PRMT8: variants seen among roughly 807,000 people sequenced by gnomAD.
PRMT8 encodes the protein protein arginine methyltransferase 8.
Under a neutral mutation model 47.1 loss-of-function variants are expected in PRMT8, and 7 were observed. The observed-to-expected ratio is 0.15, with a 90% CI of 0.08 to 0.28. The LOEUF is 0.28. Among genes scored for constraint, PRMT8 ranks in the 10% least tolerant of loss-of-function variants. The pLI is 1.00. For missense variants in PRMT8, 237 were observed against 505.4 expected, an observed-to-expected ratio of 0.47 and a Z score of 5.09; for synonymous variants, 188 against 186.5, an observed-to-expected ratio of 1.01 and a Z score of -0.07.
chr12:3,585,327 G>A (rs1484662566), intron 8 of PRMT8, among the ~76,000 whole-genome samples: 1 of 135,838 alleles, frequency 7.4e-6, no homozygotes, highest in Non-Finnish European at 1.6e-5. Context: ...ACTTCCAGAA[G>A]CCATGAAGAA....
In PRMT8 at chr12:3,538,390, T is replaced by G; in HGVS notation, c.76-2216T>G. The G allele has an allele frequency of 3.2e-6, 1 of 310,362 alleles. No homozygotes were observed. The highest frequency in any genetic ancestry group is 7.9e-5 in the East Asian group (1 of 12,732). The allele number at this position is 310,362 out of a possible 1,614,324, so 19.2% of individuals were successfully genotyped here. On this transcript the variant is annotated intron_variant, in intron 1 of 9. Transcript: ENST00000382622. This position sits in a 1 kb window ranked among gnomAD's most constrained non-coding sequence, Gnocchi z 4.6. ...CAGGACCTGCACGCTGCCTTGCTGTTGGAGATCTGTGCAGTAGGCAGTTGT... is the reference window on the plus strand; with the variant it reads ...CAGGACCTGCACGCTGCCTTGCTGTGGGAGATCTGTGCAGTAGGCAGTTGT...
At chr12:3,412,388 T>C (rs930709860) in intron 1 of PRMT8, among the ~76,000 whole-genome samples, 4 of 152,246 alleles carry the variant, frequency 2.6e-5, no homozygotes, top group Non-Finnish European at 5.9e-5. Flanking sequence ...CTGTGAACTT[T>C]ACAAACACTA....
intron 1 of PRMT8, among the ~76,000 whole-genome samples, chr12:3,437,100 C>A (rs1054446253): frequency 6.6e-6 from 1 of 152,182 alleles, no homozygotes; most frequent in Non-Finnish European, 1.5e-5. Flanking sequence ...TCAACCCCAC[C>A]CTCCTGGGGT....
chr12:3,416,392 A>G (rs775495286), intron 1 of PRMT8, among the ~76,000 whole-genome samples: 26 of 152,048 alleles, frequency 1.7e-4, no homozygotes, highest in Non-Finnish European at 1.8e-4. Flanking sequence ...CAGGCTTTGC[A>G]TTTTTCTTTG....
At chr12:3,448,095 C>T (rs900611091) in intron 1 of PRMT8, among the ~76,000 whole-genome samples, 1 of 152,216 alleles carries the variant, frequency 6.6e-6, no homozygotes, top group Non-Finnish European at 1.5e-5. Flanking sequence ...CTCCTGGGCT[C>T]AAGCGATCCT....
At chr12:3,442,010 A>G (rs1864808333) in intron 1 of PRMT8, among the ~76,000 whole-genome samples, 1 of 152,226 alleles carries the variant, frequency 6.6e-6, no homozygotes, top group Admixed American at 6.5e-5. Flanking sequence ...ACAACTATCC[A>G]GAAAATACTA....
At chr12:3,590,003 T>A (rs1867264673) in intron 8 of PRMT8, among the ~76,000 whole-genome samples, 1 of 152,184 alleles carries the variant, frequency 6.6e-6, no homozygotes, top group South Asian at 2.1e-4. Context: ...AGGAACTATC[T>A]TTTGACTATT....
intron 1 of PRMT8, among the ~76,000 whole-genome samples, chr12:3,437,843 A>G (rs763027292): frequency 9.2e-5 from 14 of 152,190 alleles, no homozygotes; most frequent in South Asian, 6.2e-4. Flanking sequence ...ACATGCGGTG[A>G]TGGAATGAGG....
rs776657479 is a variant in PRMT8, at chr12:3,540,785, C to T, written c.255C>T (p.Ile85=). The change falls in exon 2 of 10, where the codon ATC becomes ATT. Residue 85 remains isoleucine, a synonymous_variant. Transcript: ENST00000382622. The part of the protein sequence containing the change: ...YYFDSYAHFG[I]HEEMLKDEVR... ...TCGACTCCTATGCCCACTTTGGGAT[C>T]CACGAGGTAAAGTGTCCCGAGTGGG... 19 of 1,613,356 alleles carry T rather than the reference C, an allele frequency of 1.2e-5. No individual in the cohort carries two copies. The highest frequency in any genetic ancestry group is 1.5e-5 in the Non-Finnish European group (18 of 1,179,654).
intron 1 of PRMT8, among the ~76,000 whole-genome samples, chr12:3,408,829 A>T (rs1864398937): frequency 6.6e-6 from 1 of 152,152 alleles, no homozygotes; most frequent in Admixed American, 6.5e-5. Flanking sequence ...CAGTTTCTTC[A>T]GCTGTAATCA....
Position 3,390,582 on chromosome 12 carries a change from A to G in PRMT8, c.48+9140A>G, listed in dbSNP as rs138002563. ...GCTACCATTACGATTCCTGTTCTGC[A>G]CAGGAAGAAACAGAAGCTCAGAGAA... On this transcript the variant is annotated intron_variant, in intron 1 of 9. Coordinates refer to the PRMT8 transcript ENST00000452611. Among the ~76,000 whole-genome samples the G allele has an allele frequency of 4.7e-3, 720 of 152,264 alleles. 8 individuals are homozygous for G. Among genetic ancestry groups the G allele is most frequent in the Non-Finnish European group, 5.9e-3 (403 of 68,014 alleles).
chr12:3,450,687 C>T (rs1030756688), intron 1 of PRMT8, among the ~76,000 whole-genome samples: 2 of 152,218 alleles, frequency 1.3e-5, no homozygotes, highest in Admixed American at 1.3e-4. Context: ...CAATTCCACA[C>T]TGCTTTTCCT....
intron 1 of PRMT8, among the ~76,000 whole-genome samples, chr12:3,386,175 T>C (rs1288935868): frequency 6.6e-6 from 1 of 152,244 alleles, no homozygotes; most frequent in African/African-American, 2.4e-5. Context: ...GATATCTTAC[T>C]GTCTTTGTGT....
intron 1 of PRMT8, among the ~76,000 whole-genome samples, chr12:3,485,860 CA>C (rs1865317787): frequency 6.6e-6 from 1 of 152,080 alleles, no homozygotes; most frequent in Non-Finnish European, 1.5e-5. Flanking sequence ...AAAAATCTAG[CA>C]AAGTTTAAAT....
chr12:3,588,283 A>G lies in PRMT8; in HGVS notation c.980-3948A>G, dbSNP rs547786517. Among the ~76,000 whole-genome samples the G allele has an allele frequency of 2.2e-4, 33 of 152,370 alleles. No homozygotes were observed. In the South Asian group the frequency reaches 4.8e-3, roughly 22 times the overall value. ...TAGTCCTCAATTCTCCAAAAGGCCT[A>G]TGAATTCTCTAGAGAATATAATTCC... On this transcript the variant is annotated intron_variant, in intron 8 of 9. Transcript: ENST00000382622.
intron 1 of PRMT8, among the ~76,000 whole-genome samples, chr12:3,528,426 T>A (rs886497480): frequency 6.6e-6 from 1 of 152,220 alleles, no homozygotes; most frequent in African/African-American, 2.4e-5. Flanking sequence ...CTGTAATGTC[T>A]AATCTGCTAT....
intron 1 of PRMT8, among the ~76,000 whole-genome samples, chr12:3,400,180 T>A (rs1864302791): frequency 6.6e-6 from 1 of 151,610 alleles, no homozygotes; most frequent in South Asian, 2.1e-4. Flanking sequence ...CTGAAGGAGA[T>A]AAAGAGACGA....
intron 1 of PRMT8, among the ~76,000 whole-genome samples, chr12:3,451,821 G>T (rs74057423): frequency 0.029 from 4,343 of 152,258 alleles, 155 homozygotes; most frequent in African/African-American, 0.079. Flanking sequence ...GTGTCTTGAC[G>T]TTGCTAATTT....
Position 3,584,487 on chromosome 12 carries a change from C to T in PRMT8, c.979+1279C>T, listed in dbSNP as rs145005527. 5.3e-3 allele frequency among the ~76,000 whole-genome samples: 803 copies of T among 152,242 alleles called. 4 individuals carry two copies. Among genetic ancestry groups the T allele is most frequent in the African/African-American group, 0.018 (737 of 41,526 alleles). ...CCCGCTTTCCCTTTGGGTCAAGGTT[C>T]GATGTCCTCAGGGTGAACCTAACAT... On this transcript the variant is annotated intron_variant, in intron 8 of 9. Transcript: ENST00000382622.
Sources: gnomAD v4.1 joint callset for allele counts (sites outside exome capture counted in the v4.1 genomes callset) on GRCh38, gnomAD v4.1.1 for gene constraint, Gnocchi (gnomAD v3.1) non-coding constraint, MANE v1.5 for transcripts, NCBI Gene and HGNC (gene_info 2026-07-23, HGNC 2026-07-21) for gene names.